Variants in SERPINA3 observed in about 807,000 individuals in gnomAD.
SERPINA3 encodes alpha-1-antichymotrypsin.
Under a neutral mutation model 26.8 loss-of-function variants are expected in SERPINA3, and 32 were observed. The observed-to-expected ratio is 1.20, with a 90% CI of 0.90 to 1.61. The LOEUF is 1.61. Ranked by LOEUF, SERPINA3 falls within the 40% of genes most tolerant of loss-of-function variation. SERPINA3 has a pLI of 0.00. For missense variants in SERPINA3, 632 were observed against 517.9 expected (o/e 1.22, Z -2.14); for synonymous variants, 252 against 206.4 (o/e 1.22, Z -1.89).
intron 4 of SERPINA3, chr14:94,622,853 C>T: frequency 2.8e-6 from 1 of 354,338 alleles, no homozygotes; most frequent in South Asian, 2.7e-5. Context: ...CAGTGCCTGG[C>T]TGGACAGGGA....
chr14:94,616,314 C>G (rs1470446613), intron 2 of SERPINA3, among the ~76,000 whole-genome samples: 3 of 152,210 alleles, frequency 2.0e-5, no homozygotes, highest in African/African-American at 7.2e-5. Context: ...GTTCAGTGCT[C>G]TGGTCCTCCT....
chr14:94,619,458 C>G lies in SERPINA3; in HGVS notation c.907C>G (p.Leu303Val), dbSNP rs1886121609. 6.2e-7 allele frequency: 1 copy of G among 1,614,076 alleles called. No individual in the cohort carries two copies. Among genetic ancestry groups the G allele is most frequent in the Non-Finnish European group, 8.5e-7 (1 of 1,179,998 alleles). Residue 303 changes from leucine (L) to valine (V), a missense_variant, in exon 3 of 5, where the codon CTG becomes GTG. Coordinates refer to ENST00000393078, the MANE Select transcript of SERPINA3 (RefSeq NM_001085.5). ...PETLKRWRDSLEFREIGELYL... is the reference protein window; with the variant it reads ...PETLKRWRDSVEFREIGELYL... ...GACCCTGAAGCGGTGGAGAGACTCTCTGGAGTTCAGGTGATTCTTCCTGGC... is the reference window on the plus strand; with the variant it reads ...GACCCTGAAGCGGTGGAGAGACTCTGTGGAGTTCAGGTGATTCTTCCTGGC...
In SERPINA3 at chr14:94,614,489, G is replaced by A. The variant is rs1885905480; in HGVS notation, c.48G>A (p.Gly16=). Residue 16 remains glycine (G), a synonymous_variant, in exon 2 of 5, where the codon GGG becomes GGA. Transcript: ENST00000393078. ...TGGCTCTGGGGCTCTTGGCGGCTGG[G>A]TTCTGCCCTGCTGTCCTCTGCCACC... ...PLLALGLLAA[G]FCPAVLCHPN... 1.9e-6 allele frequency: 3 copies of A among 1,613,952 alleles called. No individual in the cohort carries two copies. The highest frequency in any genetic ancestry group is 1.6e-4 in the Middle Eastern group (1 of 6,084).
At chr14:94,619,778 A>G in intron 3 of SERPINA3, 1 of 449,144 alleles carries the variant, frequency 2.2e-6, no homozygotes, top group Admixed American at 3.4e-5. Context: ...GAAGGGAGAG[A>G]GAAACAGAAG....
intron 3 of SERPINA3, 180 bp downstream of exon 3, chr14:94,619,648 A>G (rs577614896): frequency 7.0e-6 from 5 of 709,672 alleles, no homozygotes; most frequent in Admixed American, 4.3e-5. Context: ...CTTTAAGACA[A>G]TGACATCAGA....
At chr14:94,617,233 G>A (rs1443053956) in intron 2 of SERPINA3, among the ~76,000 whole-genome samples, 1 of 152,174 alleles carries the variant, frequency 6.6e-6, no homozygotes, top group East Asian at 1.9e-4. Context: ...CCCTGAGATG[G>A]GTCCTTTCTC....
Position 94,619,308 on chromosome 14 carries a change from T to C in SERPINA3, c.757T>C (p.Tyr253His). ...GAGTTTGCATCACCTGACTATACCT[T>C]ACTTCCGGGACGAGGAGCTGTCCTG... is the stretch of plus-strand genomic sequence containing the variant. ...MMSLHHLTIP[Y>H]FRDEELSCTV... Residue 253 changes from tyrosine (Y) to histidine (H), a missense_variant, in exon 3 of 5, where the codon TAC becomes CAC. Physicochemically the swap from Tyr to His is moderately conservative, Grantham distance 83. Coordinates refer to ENST00000393078, the MANE Select transcript of SERPINA3 (RefSeq NM_001085.5). 2.5e-6 allele frequency: 4 copies of C among 1,614,218 alleles called. No homozygotes were observed. The highest frequency in any genetic ancestry group is 3.4e-6 in the Non-Finnish European group (4 of 1,180,032).
rs1227238011 is a variant in SERPINA3, at chr14:94,623,619, TA to T, written c.1079del (p.Lys360ArgfsTer27). 3.1e-6 allele frequency: 5 copies of T among 1,613,960 alleles called. No individual in the cohort carries two copies. Among genetic ancestry groups the T allele is most frequent in the Non-Finnish European group, 4.2e-6 (5 of 1,180,036 alleles). On this transcript the variant is annotated frameshift_variant, in exon 5 of 5. Transcript: ENST00000393078. LOFTEE classifies it low-confidence loss of function (END_TRUNC). ...RNLAVSQVVH[K>X]AVLDVFEEGT... The stretch of plus-strand genomic sequence containing the variant: ...TTCTGCTGTCCCCACAGGTGGTCCA[TA>T]AGGCTGTGCTTGATGTATTTGAGGA...
Position 94,615,089 on chromosome 14 carries a change from G to A in SERPINA3, c.643+5G>A. 2 of 1,613,686 alleles carry A rather than the reference G, an allele frequency of 1.2e-6. No individual in the cohort carries two copies. Among genetic ancestry groups the A allele is most frequent in the Non-Finnish European group, 1.7e-6 (2 of 1,180,028 alleles). On this transcript the variant is annotated splice_donor_5th_base_variant and intron_variant, in intron 2 of 4. Coordinates refer to ENST00000393078, the MANE Select transcript of SERPINA3 (RefSeq NM_001085.5). ...TGAATTACATCTTCTTTAAAGGTGA[G>A]TGTGCCTGGCTTGGGGTTCAGAAGA...
chr14:94,614,599 A>G lies in SERPINA3; in HGVS notation c.158A>G (p.Asn53Ser), dbSNP rs780159884. Reference protein sequence around the residue: ...THVDLGLASANVDFAFSLYKQ... With the variant: ...THVDLGLASASVDFAFSLYKQ... The stretch of plus-strand genomic sequence containing the variant: ...GTGGACCTCGGATTAGCCTCCGCCA[A>G]CGTGGACTTCGCTTTCAGCCTGTAC... The change falls in exon 2 of 5, where the codon AAC (asparagine) becomes AGC (serine). Residue 53 changes from asparagine (N) to serine (S), a missense_variant. By Grantham distance (46) the Asn-to-Ser change is conservative. Coordinates refer to ENST00000393078, the MANE Select transcript of SERPINA3 (RefSeq NM_001085.5). 2.7e-5 allele frequency: 44 copies of G among 1,613,948 alleles called. No homozygotes were observed. Among genetic ancestry groups the G allele is most frequent in the Non-Finnish European group, 3.5e-5 (41 of 1,180,024 alleles).
rs1566847493 is a variant in SERPINA3, at chr14:94,619,182, GCT to G, written c.644-11_644-10del. On this transcript the variant is annotated splice_polypyrimidine_tract_variant and intron_variant, in intron 2 of 4. Transcript: ENST00000393078. The stretch of plus-strand genomic sequence containing the variant: ...GCACTCACACCTTCTCCAACTGCTT[GCT>G]CCACCTTCAGCCAAATGGGAGATGC... The G allele has an allele frequency of 6.2e-7, 1 of 1,614,024 alleles. No individual in the cohort carries two copies. Among genetic ancestry groups the G allele is most frequent in the South Asian group, 1.1e-5 (1 of 91,078 alleles).
In SERPINA3 at chr14:94,614,970, A is replaced by T; in HGVS notation, c.529A>T (p.Lys177Ter). ...ATDFQDSAAA[K>*]KLINDYVKNG... ...TGACTTTCAGGACTCAGCTGCAGCT[A>T]AGAAGCTCATCAACGACTACGTGAA... The change falls in exon 2 of 5, where the codon AAG becomes TAG. Residue 177 changes from lysine to a stop codon, truncating the protein, a stop_gained. Transcript: ENST00000393078. LOFTEE classifies it high-confidence loss of function. 6.2e-7 allele frequency: 1 copy of T among 1,613,670 alleles called. No homozygotes were observed. Among genetic ancestry groups the T allele is most frequent in the Non-Finnish European group, 8.5e-7 (1 of 1,179,516 alleles).
chr14:94,619,395 G>T lies in SERPINA3; in HGVS notation c.844G>T (p.Asp282Tyr). The change falls in exon 3 of 5, where the codon GAC (aspartate) becomes TAC (tyrosine). Residue 282 changes from aspartate to tyrosine, a missense_variant. By Grantham distance (160) the Asp-to-Tyr change is radical (BLOSUM62 -3). Transcript: ENST00000393078. ...ASALFILPDQDKMEEVEAMLL... is the reference protein window; with the variant it reads ...ASALFILPDQYKMEEVEAMLL... ...CGCACTCTTCATCCTCCCTGATCAAGACAAGATGGAGGAAGTGGAAGCCAT... is the reference window on the plus strand; with the variant it reads ...CGCACTCTTCATCCTCCCTGATCAATACAAGATGGAGGAAGTGGAAGCCAT... 6.2e-7 allele frequency: 1 copy of T among 1,614,174 alleles called. No homozygotes were observed. Among genetic ancestry groups the T allele is most frequent in the Non-Finnish European group, 8.5e-7 (1 of 1,180,024 alleles).
Position 94,619,263 on chromosome 14 carries a change from T to G in SERPINA3, c.712T>G (p.Trp238Gly). The change falls in exon 3 of 5, where the codon TGG becomes GGG. Residue 238 changes from tryptophan (W) to glycine (G), a missense_variant. Transcript: ENST00000393078. The part of the protein sequence containing the change: ...QSRFYLSKKK[W>G]VMVPMMSLHH... ...AAGGTTCTACTTGAGCAAGAAAAAGTGGGTAATGGTGCCCATGATGAGTTT... is the reference window on the plus strand; with the variant it reads ...AAGGTTCTACTTGAGCAAGAAAAAGGGGGTAATGGTGCCCATGATGAGTTT... The G allele has an allele frequency of 6.2e-7, 1 of 1,613,950 alleles. No homozygotes were observed. Among genetic ancestry groups the G allele is most frequent in the Non-Finnish European group, 8.5e-7 (1 of 1,179,958 alleles).
At chr14:94,615,479 C>G (rs1885959570) in intron 2 of SERPINA3, 1 of 459,362 alleles carries the variant, frequency 2.2e-6, no homozygotes, top group African/African-American at 2.0e-5. Flanking sequence ...CTGGATGCAC[C>G]TGGGGCTCCT....
At position 94,622,357 on chromosome 14, in the gene SERPINA3, T is replaced by C. The variant is rs1463935352; in HGVS notation, c.934T>C (p.Tyr312His). Residue 312 changes from tyrosine to histidine, a missense_variant, in exon 4 of 5, where the codon TAC (tyrosine) becomes CAC (histidine). Physicochemically the swap from Tyr to His is moderately conservative, Grantham distance 83. Transcript: ENST00000393078. The stretch of plus-strand genomic sequence containing the variant: ...GTTTTCTAGAGAGATAGGTGAGCTC[T>C]ACCTGCCAAAGTTTTCCATCTCGAG... ...SLEFREIGELYLPKFSISRDY... is the reference protein window; with the variant it reads ...SLEFREIGELHLPKFSISRDY... The C allele has an allele frequency of 3.1e-6, 5 of 1,613,938 alleles. No homozygotes were observed. The African/African-American group carries it at 4.0e-5, about 13-fold the overall frequency.
Position 94,612,402 on chromosome 14 carries a change from C to T in SERPINA3, c.-54C>T, listed in dbSNP as rs760817199. On this transcript the variant is annotated 5_prime_UTR_variant, in exon 1 of 5. Transcript: ENST00000393078. ...ATTCATGAAAATCCACTACTCCAGACAGACGGCTTTGGAATCCACCAGCTA... is the reference window on the plus strand; with the variant it reads ...ATTCATGAAAATCCACTACTCCAGATAGACGGCTTTGGAATCCACCAGCTA... The T allele has an allele frequency of 7.3e-7, 1 of 1,366,006 alleles. No individual in the cohort carries two copies. The highest frequency in any genetic ancestry group is 4.5e-5 in the East Asian group (1 of 21,986). The allele number at this position is 1,366,006 out of a possible 1,614,324, so 84.6% of individuals were successfully genotyped here.
At chr14:94,614,319 A>C in intron 1 of SERPINA3, 115 bp from the exon 2 acceptor site, 1 of 1,066,240 alleles carries the variant, frequency 9.4e-7, no homozygotes, top group Non-Finnish European at 1.4e-6. Flanking sequence ...GGGAGGCTCC[A>C]AAGCTAGCAA....
At position 94,615,006 on chromosome 14, in the gene SERPINA3, A is replaced by G. The variant is rs146703583; in HGVS notation, c.565A>G (p.Arg189Gly). 2 of 1,614,068 alleles carry G rather than the reference A, an allele frequency of 1.2e-6. No homozygotes were observed. Among genetic ancestry groups the G allele is most frequent in the African/African-American group, 2.7e-5 (2 of 74,936 alleles). Residue 189 changes from arginine (R) to glycine (G), a missense_variant, in exon 2 of 5, where the codon AGG becomes GGG. By Grantham distance (125) the Arg-to-Gly change is moderately radical. Transcript: ENST00000393078. ...CAACGACTACGTGAAGAATGGAACT[A>G]GGGGGAAAATCACAGATCTGATCAA... ...LINDYVKNGT[R>G]GKITDLIKDL...
Sources: gnomAD v4.1 joint callset for allele counts (sites outside exome capture counted in the v4.1 genomes callset) on GRCh38, gnomAD v4.1.1 for gene constraint, MANE v1.5 for transcripts, NCBI Gene and HGNC (gene_info 2026-07-23, HGNC 2026-07-21) for gene names.